The following GALNT9 variants were observed in gnomAD, a reference collection of about 807,000 sequenced individuals.
GALNT9 encodes the protein GalNAc transferase 9.
GALNT9 carries 47 observed loss-of-function variants against 63.1 expected under a neutral mutation model. The ratio of observed to expected loss-of-function variants is 0.75; its 90% CI spans 0.59 to 0.95. The LOEUF (loss-of-function observed/expected upper bound fraction) is 0.95, where lower values mean the gene tolerates loss of function less well. GALNT9 is among the 40% of genes least tolerant of loss of function. The pLI, the probability that GALNT9 is intolerant of heterozygous loss-of-function variation, is 0.00. For synonymous variants in GALNT9, 396 were observed against 365.7 expected, an observed-to-expected ratio of 1.08 and a Z score of -0.94; for missense variants, 829 against 874.8, an observed-to-expected ratio of 0.95 and a Z score of 0.66.
At chr12:132,226,018 C>T (rs1248034626) in intron 6 of GALNT9, among the ~76,000 whole-genome samples, 8 of 142,474 alleles carry the variant, frequency 5.6e-5, no homozygotes, top group Non-Finnish European at 9.2e-5. Context: ...ACATTGTACA[C>T]ACCCCACATA....
At chr12:132,269,431 G>A (rs987224206) in intron 2 of GALNT9, among the ~76,000 whole-genome samples, 12 of 152,266 alleles carry the variant, frequency 7.9e-5, no homozygotes, top group African/African-American at 1.2e-4. Flanking sequence ...TCCTCCGGGC[G>A]GGAGCCACGG....
intron 1 of GALNT9, among the ~76,000 whole-genome samples, chr12:132,287,075 G>T (rs1351447054): frequency 4.0e-5 from 2 of 49,914 alleles, no homozygotes; most frequent in African/African-American, 6.3e-5. Flanking sequence ...CCCCCCCCCC[G>T]TGAGCCACAG....
chr12:132,244,806 C>T (rs73166884), intron 6 of GALNT9, among the ~76,000 whole-genome samples: 4,965 of 62,576 alleles, frequency 0.079, 101 homozygotes, highest in Middle Eastern at 0.15. Flanking sequence ...GCTGGACGGG[C>T]AGCATGGTGA....
intron 6 of GALNT9, among the ~76,000 whole-genome samples, chr12:132,243,355 C>A (rs1878535549): frequency 1.0e-5 from 1 of 98,400 alleles, no homozygotes; most frequent in African/African-American, 3.8e-5. Flanking sequence ...TCAGGGCCCC[C>A]AGTGGCCTCA....
Position 132,257,803 on chromosome 12 carries a change from A to G in GALNT9, c.845T>C (p.Phe282Ser). 6.5e-7 allele frequency: 1 copy of G among 1,550,376 alleles called. No homozygotes were observed. The highest frequency in any genetic ancestry group is 8.7e-7 in the Non-Finnish European group (1 of 1,146,830). ...PAIDNIKYST[F>S]EVQQYANAAH... ...GGCGTTCGCATACTGCTGCACCTCA[A>G]ACGTGCTGTACTTGATGTTGTCGAT... Residue 282 changes from phenylalanine (F) to serine (S), a missense_variant, in exon 5 of 11, where the codon TTT (phenylalanine) becomes TCT (serine). Coordinates refer to ENST00000328957, the MANE Select transcript of GALNT9 (RefSeq NM_001122636.2).
chr12:132,223,008 C>CACACA, intron 6 of GALNT9, among the ~76,000 whole-genome samples: 1 of 119,770 alleles, frequency 8.3e-6, no homozygotes, highest in South Asian at 3.2e-4. Context: ...ACACCCCACA[C>CACACA]AACCCACACC....
Position 132,321,771 on chromosome 12 carries a change from C to CCACACACCTGTCCCCT in GALNT9, c.238+7179_238+7194dup, listed in dbSNP as rs373006944. Among the ~76,000 whole-genome samples, 5 of 152,178 alleles carry CCACACACCTGTCCCCT rather than the reference C, an allele frequency of 3.3e-5. No homozygotes were observed. The South Asian group carries it at 6.2e-4, about 19-fold the overall frequency. On this transcript the variant is annotated intron_variant, in intron 1 of 10. Transcript: ENST00000328957. Reference sequence around the variant, plus strand: ...TGGCACCGAGTGGGGAGGCTCCACCCCACACACCTGTCCCCTCACACACCT... The same window carrying CCACACACCTGTCCCCT: ...TGGCACCGAGTGGGGAGGCTCCACCCCACACACCTGTCCCCTCACACACCTGTCCCCTCACACACCT...
At chr12:132,207,496 G>A (rs907370016) in intron 6 of GALNT9, among the ~76,000 whole-genome samples, 3 of 152,218 alleles carry the variant, frequency 2.0e-5, no homozygotes, top group Non-Finnish European at 4.4e-5. Context: ...AGCTCCACAG[G>A]TGCCAGCCCC....
rs1344381439 is a variant in GALNT9, at chr12:132,238,941, C to T, written c.1077+8969G>A. Among the ~76,000 whole-genome samples, 12 of 152,188 alleles carry T rather than the reference C, an allele frequency of 7.9e-5. 1 individual carries two copies. Among genetic ancestry groups the T allele is most frequent in the Admixed American group, 6.5e-4 (10 of 15,272 alleles). On this transcript the variant is annotated intron_variant, in intron 6 of 10. Coordinates refer to ENST00000328957, the MANE Select transcript of GALNT9 (RefSeq NM_001122636.2). The surrounding 1 kb of genome is among the most constrained non-coding windows in gnomAD (Gnocchi z 6.5). ...GTACAAATAAATACAATAAGATACA[C>T]ACCGCAGTTAAAGTGGTTGGATACC...
chr12:132,197,755 G>T, intron 10 of GALNT9, 37 bp downstream of exon 10: 3 of 613,266 alleles, frequency 4.9e-6, no homozygotes, highest in Non-Finnish European at 8.2e-6. Flanking sequence ...GCCCTGCCCC[G>T]CCCCAACCCC....
chr12:132,314,160 A>C (rs1593122376), intron 1 of GALNT9, among the ~76,000 whole-genome samples: 2 of 65,242 alleles, frequency 3.1e-5, no homozygotes, highest in African/African-American at 6.6e-5. Flanking sequence ...CCACCCTTCC[A>C]TCCACCTACC....
At chr12:132,318,476 A>G (rs1172710229) in intron 1 of GALNT9, among the ~76,000 whole-genome samples, 1 of 152,368 alleles carries the variant, frequency 6.6e-6, no homozygotes, top group East Asian at 1.9e-4. Flanking sequence ...TCAGGCCACC[A>G]GGGACATGAA....
At chr12:132,314,307 T>C (rs1868404797) in intron 1 of GALNT9, among the ~76,000 whole-genome samples, 1 of 151,920 alleles carries the variant, frequency 6.6e-6, no homozygotes, top group Admixed American at 6.6e-5. Context: ...ATGTTATCTG[T>C]CTGTCCAAAT....
At chr12:132,287,854 C>T (rs1880665167) in intron 1 of GALNT9, among the ~76,000 whole-genome samples, 1 of 151,978 alleles carries the variant, frequency 6.6e-6, no homozygotes, top group Non-Finnish European at 1.5e-5. Flanking sequence ...AGGGGTGTCT[C>T]CCCACAAAGA....
chr12:132,240,709 TG>T (rs1197837818), intron 6 of GALNT9: 14 of 455,862 alleles, frequency 3.1e-5, no homozygotes, highest in African/African-American at 2.0e-4. Context: ...TACCTTATCT[TG>T]CTGGAACCCT....
At chr12:132,292,138 G>GA (rs1880883342) in intron 1 of GALNT9, among the ~76,000 whole-genome samples, 1 of 151,982 alleles carries the variant, frequency 6.6e-6, no homozygotes, top group Non-Finnish European at 1.5e-5. Context: ...TTTCCTCCCT[G>GA]CCTCATTTTC....
Position 132,286,833 on chromosome 12 carries a change from C to T in GALNT9, c.239-403G>A, listed in dbSNP as rs1367060348. On this transcript the variant is annotated intron_variant, in intron 1 of 10. Coordinates refer to ENST00000328957, the MANE Select transcript of GALNT9 (RefSeq NM_001122636.2). This position sits in a 1 kb window ranked among gnomAD's most constrained non-coding sequence, Gnocchi z 7.4. ...GGCTCAAGCAATCCTCCCACCTCAG[C>T]CTCCTGAGTAAATGGGTGGGCCTCC... Among the ~76,000 whole-genome samples, 12 of 152,132 alleles carry T rather than the reference C, an allele frequency of 7.9e-5. No homozygotes were observed. Among genetic ancestry groups the T allele is most frequent in the African/African-American group, 2.7e-4 (11 of 41,438 alleles).
chr12:132,287,275 G>A (rs1462723183), intron 1 of GALNT9, among the ~76,000 whole-genome samples: 2 of 152,190 alleles, frequency 1.3e-5, no homozygotes, highest in Non-Finnish European at 2.9e-5. Context: ...CAGAGGATGC[G>A]GGAACTCCGC....
chr12:132,329,514 C>A lies in GALNT9; in HGVS notation c.-311G>T, dbSNP rs1869206943. Among the ~76,000 whole-genome samples, 1 of 147,382 alleles carries A rather than the reference C, an allele frequency of 6.8e-6. No homozygotes were observed. The highest frequency in any genetic ancestry group is 6.7e-5 in the Admixed American group (1 of 14,884). The stretch of plus-strand genomic sequence containing the variant: ...GCGCCGGGGGGCGGCGGGGAAGGCG[C>A]GGGCGGGCGGCGCTCGGTGTCTGTG... On this transcript the variant is annotated 5_prime_UTR_variant, in exon 1 of 11. Transcript: ENST00000328957.
Sources: gnomAD v4.1 joint callset for allele counts (sites outside exome capture counted in the v4.1 genomes callset) on GRCh38, gnomAD v4.1.1 for gene constraint, Gnocchi (gnomAD v3.1) non-coding constraint, MANE v1.5 for transcripts, NCBI Gene and HGNC (gene_info 2026-07-23, HGNC 2026-07-21) for gene names.